JMJD1C: variants seen among roughly 807,000 people sequenced by gnomAD.
JMJD1C encodes jumonji domain containing 1C, also known as jumonji domain-containing protein 1C.
A neutral mutation model predicts 245.3 loss-of-function variants in JMJD1C; 31 were observed. The ratio of observed to expected loss-of-function variants is 0.13; its 90% CI spans 0.09 to 0.17. The LOEUF (loss-of-function observed/expected upper bound fraction) is 0.17. JMJD1C is among the 10% of genes least tolerant of loss of function. The pLI is 1.00. For synonymous variants in JMJD1C, 1,057 were observed against 1,017.4 expected (o/e 1.04, Z -0.74); for missense variants, 2,691 against 3,000.2 (o/e 0.90, Z 2.41).
intron 1 of JMJD1C, among the ~76,000 whole-genome samples, chr10:63,485,732 C>T (rs1345024160): frequency 1.3e-5 from 2 of 152,138 alleles, no homozygotes; most frequent in African/African-American, 4.8e-5. Flanking sequence ...TTTTAAATAA[C>T]AGTGCTATAT....
At chr10:63,175,804 C>T (rs1227225003) in intron 24 of JMJD1C, among the ~76,000 whole-genome samples, 1 of 152,072 alleles carries the variant, frequency 6.6e-6, no homozygotes, top group Non-Finnish European at 1.5e-5. Context: ...CCATTTTTCC[C>T]GGTGCTGGAA....
chr10:63,248,439 T>A (rs1852554041), intron 3 of JMJD1C, among the ~76,000 whole-genome samples: 1 of 145,298 alleles, frequency 6.9e-6, no homozygotes, highest in Admixed American at 6.9e-5. Flanking sequence ...GAGAATCACT[T>A]GAATCCGGGA....
In JMJD1C at chr10:63,176,428, T is replaced by C. The variant is rs773110764; in HGVS notation, c.7270A>G (p.Ile2424Val). ...TTCACATACCAACTTTGGTCACGTATTGGATCATGTTCTGGTAGAACTTCA... is the reference window on the plus strand; with the variant it reads ...TTCACATACCAACTTTGGTCACGTACTGGATCATGTTCTGGTAGAACTTCA... ...GLEVLPEHDP[I>V]RDQSWYVNKK... Residue 2424 changes from isoleucine to valine, a missense_variant, in exon 24 of 26, where the codon ATA (isoleucine) becomes GTA (valine). Around this residue, in one of 9 missense-constraint regions of JMJD1C, gnomAD observed 232 missense variants for 416.1 expected, o/e 0.56. Coordinates refer to ENST00000399262, the MANE Select transcript of JMJD1C (RefSeq NM_032776.3). The C allele has an allele frequency of 9.9e-6, 16 of 1,613,996 alleles. No individual in the cohort carries two copies. Among genetic ancestry groups the C allele is most frequent in the Middle Eastern group, 1.7e-4 (1 of 6,060 alleles).
intron 2 of JMJD1C, among the ~76,000 whole-genome samples, chr10:63,281,458 CTTTTTTTTTTTTTTTTTT>C (rs71025144): frequency 1.5e-5 from 1 of 65,350 alleles, no homozygotes; most frequent in Non-Finnish European, 2.6e-5. Flanking sequence ...TGCGCCTGGC[CTTTTTTTTTTTTTTTTTT>C]TTTTTTTTTT....
chr10:63,362,573 A>C (rs116815974), intron 2 of JMJD1C, among the ~76,000 whole-genome samples: 94 of 152,004 alleles, frequency 6.2e-4, no homozygotes, highest in Non-Finnish European at 1.3e-3. Flanking sequence ...TTGGCCTCCA[A>C]GGCTGAAATG....
chr10:63,443,328 T>C (rs1254258690), intron 1 of JMJD1C, among the ~76,000 whole-genome samples: 1 of 152,158 alleles, frequency 6.6e-6, no homozygotes, highest in Non-Finnish European at 1.5e-5. Flanking sequence ...TTTTCTTCTT[T>C]TGACACAGGG....
intron 2 of JMJD1C, among the ~76,000 whole-genome samples, chr10:63,273,333 A>G (rs189034402): frequency 1.3e-5 from 2 of 152,158 alleles, no homozygotes; most frequent in African/African-American, 2.4e-5. Context: ...CTGGGACTAC[A>G]AGTAAGTGCC....
chr10:63,305,372 A>AAC (rs1191094185), intron 2 of JMJD1C, among the ~76,000 whole-genome samples: 1 of 85,788 alleles, frequency 1.2e-5, no homozygotes, highest in Non-Finnish European at 3.3e-5. Flanking sequence ...ACCTCAAAAA[A>AAC]AAAACAAAAA....
intron 2 of JMJD1C, among the ~76,000 whole-genome samples, chr10:63,373,444 G>C (rs2134445909): frequency 6.6e-6 from 1 of 152,274 alleles, no homozygotes; most frequent in African/African-American, 2.4e-5. Context: ...AACAGGATTT[G>C]TTTTTGTCTT....
chr10:63,301,675 A>G (rs956904148), intron 2 of JMJD1C: 1 of 416,234 alleles, frequency 2.4e-6, no homozygotes, highest in Non-Finnish European at 4.8e-6. Context: ...TGACAAGGGG[A>G]GAGAGAGCAT....
At chr10:63,170,588 C>T (rs1054148245) in intron 24 of JMJD1C, among the ~76,000 whole-genome samples, 3 of 152,204 alleles carry the variant, frequency 2.0e-5, no homozygotes, top group African/African-American at 7.2e-5. Context: ...CTTCATTAAG[C>T]AGTCTCTTGG....
chr10:63,521,641 G>A, intron 1 of JMJD1C: 3 of 1,223,054 alleles, frequency 2.5e-6, no homozygotes, highest in South Asian at 4.0e-5. Context: ...GGAAGGGGAA[G>A]GAGCCGAGAG....
intron 1 of JMJD1C, among the ~76,000 whole-genome samples, chr10:63,381,642 T>C (rs897597761): frequency 2.6e-5 from 4 of 152,150 alleles, no homozygotes; most frequent in Admixed American, 6.5e-5. Flanking sequence ...TTAATGAGTA[T>C]AACAATATTT....
chr10:63,393,982 G>A (rs1248378225), intron 1 of JMJD1C, among the ~76,000 whole-genome samples: 2 of 152,068 alleles, frequency 1.3e-5, no homozygotes, highest in African/African-American at 4.8e-5. Context: ...AGAGGAGTTC[G>A]AGACCAGTCT....
chr10:63,328,441 G>A (rs745402954), intron 2 of JMJD1C, among the ~76,000 whole-genome samples: 34 of 152,184 alleles, frequency 2.2e-4, no homozygotes, highest in Admixed American at 1.0e-3. Context: ...AATTCATTAC[G>A]AATTGAAATA....
At chr10:63,458,724 T>TTTTAC (rs1186814249) in intron 1 of JMJD1C, among the ~76,000 whole-genome samples, 1 of 14,160 alleles carries the variant, frequency 7.1e-5, no homozygotes, top group Non-Finnish European at 2.6e-4. Context: ...TTTTTTTTTA[T>TTTTAC]TTATTTATTT....
Position 63,207,940 on chromosome 10 carries a change from T to A in JMJD1C, c.3729A>T (p.Lys1243Asn), listed in dbSNP as rs1028683855. The A allele has an allele frequency of 4.3e-6, 7 of 1,614,028 alleles. No individual in the cohort carries two copies. The African/African-American group carries it at 8.0e-5, about 18-fold the overall frequency. ...TTGGAGGCTTCTGTGATTCTTGAACTTTACCACCAGCATTTACTGGCATCA... is the reference window on the plus strand; with the variant it reads ...TTGGAGGCTTCTGTGATTCTTGAACATTACCACCAGCATTTACTGGCATCA... ...TPVMPVNAGG[K>N]VQESQKPPTL... The change falls in exon 10 of 26, where the codon AAA (lysine) becomes AAT (asparagine). Residue 1243 changes from lysine (K) to asparagine (N), a missense_variant. Coordinates refer to ENST00000399262, the MANE Select transcript of JMJD1C (RefSeq NM_032776.3).
rs897142769 is a variant in JMJD1C at position 63,294,019 on chromosome 10, A to C, written c.334-29255T>G. On this transcript the variant is annotated intron_variant, in intron 2 of 25. Coordinates refer to ENST00000399262, the MANE Select transcript of JMJD1C (RefSeq NM_032776.3). ...TTCTTGCATTTAATCTAACTCTTCCAACTGATCCTAAAAGACAAATTTAAC... is the reference window on the plus strand; with the variant it reads ...TTCTTGCATTTAATCTAACTCTTCCCACTGATCCTAAAAGACAAATTTAAC... Among the ~76,000 whole-genome samples the C allele has an allele frequency of 3.3e-5, 5 of 152,122 alleles. No individual in the cohort carries two copies. The South Asian group carries it at 1.0e-3, about 32-fold the overall frequency.
At chr10:63,499,257 T>C (rs1422996641) in intron 1 of JMJD1C, among the ~76,000 whole-genome samples, 2 of 152,238 alleles carry the variant, frequency 1.3e-5, no homozygotes, top group African/African-American at 4.8e-5. Flanking sequence ...CTGGATCATA[T>C]GGTAGTTCTC....
Sources: allele counts gnomAD v4.1 joint callset (sites outside exome capture counted in the v4.1 genomes callset), GRCh38; gene constraint gnomAD v4.1.1; regional missense constraint gnomAD v4.1.1; transcripts MANE v1.5; gene names NCBI Gene and HGNC (gene_info 2026-07-23, HGNC 2026-07-21).